The following RPF1 variants were observed in gnomAD, a reference collection of about 807,000 sequenced individuals.
RPF1 encodes the protein ribosome production factor 1.
A neutral mutation model predicts 41.9 loss-of-function variants in RPF1; 34 were observed. That is an observed-to-expected ratio of 0.81 (90% CI 0.62 to 1.08). The LOEUF (loss-of-function observed/expected upper bound fraction) is 1.08. Among genes scored for constraint, RPF1 ranks in the 50% least tolerant of loss-of-function variants. RPF1 has a pLI of 0.00. For synonymous variants in RPF1, 140 were observed against 148.9 expected (o/e 0.94, Z 0.43); for missense variants, 425 against 435.2 (o/e 0.98, Z 0.21).
chr1:84,485,865 G>C (rs891721754), intron 3 of RPF1, among the ~76,000 whole-genome samples: 1 of 152,110 alleles, frequency 6.6e-6, no homozygotes, highest in Non-Finnish European at 1.5e-5. Context: ...TTAATTTGCA[G>C]TTCTCATTTT....
intron 5 of RPF1, among the ~76,000 whole-genome samples, chr1:84,493,135 G>T (rs896188969): frequency 6.6e-6 from 1 of 152,118 alleles, no homozygotes; most frequent in African/African-American, 2.4e-5. Flanking sequence ...TTTTGACACA[G>T]ACCACAATTT....
rs1173635367 is a variant in RPF1 at position 84,488,694 on chromosome 1, TTA to T, written c.367-937_367-936del. On this transcript the variant is annotated intron_variant, in intron 3 of 8. Transcript: ENST00000370654. ...TATTTGTGTCACTAGAGATAGATTA[TTA>T]TGAGTTAAGGGTTAAGTAAATTTTA... Among the ~76,000 whole-genome samples, 4 of 152,260 alleles carry T rather than the reference TTA, an allele frequency of 2.6e-5. No homozygotes were observed. The East Asian group carries it at 7.7e-4, about 29-fold the overall frequency.
At chr1:84,480,919 TTTCTCAGTATTG>T in intron 1 of RPF1, 25 bp from the exon 2 acceptor site, 5 of 1,123,722 alleles carry the variant, frequency 4.4e-6, no homozygotes, top group Non-Finnish European at 6.7e-6. Flanking sequence ...TAACTGGTTG[TTTCTCAGTATTG>T]TTCTCTTTTT....
rs754325676 is a variant in RPF1, at chr1:84,482,987, G to A, written c.358G>A (p.Asp120Asn). Residue 120 changes from aspartate (D) to asparagine (N), a missense_variant, in exon 3 of 9, where the codon GAT (aspartate) becomes AAT (asparagine). Transcript: ENST00000370654. ...VYDETTVDPN[D>N]EEVAYDEATD... ...TGATGAAACCACAGTAGACCCTAAT[G>A]ATGAAGAGGTAATGTTAGAAGTCTT... 7.1e-5 allele frequency: 112 copies of A among 1,577,930 alleles called. No individual in the cohort carries two copies. Among genetic ancestry groups the A allele is most frequent in the Non-Finnish European group, 9.3e-5 (107 of 1,147,278 alleles).
At chr1:84,493,565 G>A (rs1681874271) in intron 5 of RPF1, among the ~76,000 whole-genome samples, 1 of 151,390 alleles carries the variant, frequency 6.6e-6, no homozygotes, top group Admixed American at 6.6e-5. Flanking sequence ...ACTTCAGCCT[G>A]GGCTGCTGAG....
intron 3 of RPF1, among the ~76,000 whole-genome samples, chr1:84,488,210 T>C (rs910786582): frequency 9.9e-5 from 15 of 152,062 alleles, no homozygotes; most frequent in African/African-American, 3.1e-4. Context: ...TCAGATCAAT[T>C]TGGGGATACG....
intron 5 of RPF1, among the ~76,000 whole-genome samples, chr1:84,490,951 A>G (rs1187765349): frequency 6.6e-6 from 1 of 152,166 alleles, no homozygotes. Context: ...CAGAGGGACT[A>G]CCATTTGGAA....
intron 5 of RPF1, among the ~76,000 whole-genome samples, chr1:84,494,709 G>T (rs1209137020): frequency 6.6e-6 from 1 of 152,170 alleles, no homozygotes; most frequent in Non-Finnish European, 1.5e-5. Flanking sequence ...TTGTAGGTAG[G>T]TGATCTCACA....
Position 84,489,746 on chromosome 1 carries a change from T to C in RPF1, c.462+18T>C, listed in dbSNP as rs930628811. The C allele has an allele frequency of 1.3e-5, 18 of 1,350,090 alleles. No individual in the cohort carries two copies. Among genetic ancestry groups the C allele is most frequent in the Non-Finnish European group, 1.7e-5 (16 of 940,180 alleles). 83.6% of individuals were successfully genotyped at this position (1,350,090 alleles called of 1,614,324 possible). On this transcript the variant is annotated intron_variant, in intron 4 of 8. Transcript: ENST00000370654. Reference sequence around the variant, plus strand: ...CTCATGGGGTAAACACATTGATTAATTTAGTTCTTGAATTCTTAATTTTCT... The same window carrying C: ...CTCATGGGGTAAACACATTGATTAACTTAGTTCTTGAATTCTTAATTTTCT...
chr1:84,487,741 G>C (rs898083255), intron 3 of RPF1, among the ~76,000 whole-genome samples: 1 of 151,958 alleles, frequency 6.6e-6, no homozygotes, highest in Non-Finnish European at 1.5e-5. Context: ...TGATTGTCAG[G>C]AATTGTTTTC....
At chr1:84,485,894 T>C (rs2101883812) in intron 3 of RPF1, among the ~76,000 whole-genome samples, 1 of 152,350 alleles carries the variant, frequency 6.6e-6, no homozygotes, top group Admixed American at 6.5e-5. Context: ...TTGAACATCT[T>C]TTCATATTTT....
At position 84,490,317 on chromosome 1, in the gene RPF1, A is replaced by G; in HGVS notation, c.463-2A>G. 6.5e-7 allele frequency: 1 copy of G among 1,535,416 alleles called. No individual in the cohort carries two copies. Among genetic ancestry groups the G allele is most frequent in the Non-Finnish European group, 8.7e-7 (1 of 1,146,784 alleles). On this transcript the variant is annotated splice_acceptor_variant, in intron 4 of 8. Coordinates refer to ENST00000370654, the MANE Select transcript of RPF1 (RefSeq NM_025065.7). LOFTEE classifies it high-confidence loss of function. ...CAAAATTTTTGTTATTTTGTTTTGCAGAGAACAGTACGACTCTGTGAACAG... is the reference window on the plus strand; with the variant it reads ...CAAAATTTTTGTTATTTTGTTTTGCGGAGAACAGTACGACTCTGTGAACAG...
chr1:84,493,333 A>C (rs892842946), intron 5 of RPF1, among the ~76,000 whole-genome samples: 3 of 63,290 alleles, frequency 4.7e-5, no homozygotes, highest in Non-Finnish European at 8.5e-5. Context: ...CACTACTATC[A>C]AAAAAAAAAA....
chr1:84,487,225 A>G (rs1161360535), intron 3 of RPF1, among the ~76,000 whole-genome samples: 1 of 152,182 alleles, frequency 6.6e-6, no homozygotes. Context: ...GTACCAAAAT[A>G]TTTTTCAAAG....
chr1:84,487,042 G>A (rs183107405), intron 3 of RPF1, among the ~76,000 whole-genome samples: 24 of 152,204 alleles, frequency 1.6e-4, no homozygotes, highest in Admixed American at 1.4e-3. Flanking sequence ...TAGAAGAGAT[G>A]TCAAGCAGGT....
In RPF1 at chr1:84,479,459, A is replaced by T; in HGVS notation, c.178A>T (p.Lys60Ter). 6.2e-7 allele frequency: 1 copy of T among 1,614,254 alleles called. No individual in the cohort carries two copies. Among genetic ancestry groups the T allele is most frequent in the African/African-American group, 1.3e-5 (1 of 75,078 alleles). Residue 60 changes from lysine (K) to a stop codon, truncating the protein, a stop_gained, in exon 1 of 9, where the codon AAA (lysine) becomes TAA (stop). Transcript: ENST00000370654. LOFTEE classifies it high-confidence loss of function. ...PGFSISEIKNKQRRHLMFTRW... is the reference protein window; with the variant it reads ...PGFSISEIKN ...CTTTAGCATTTCGGAGATTAAAAAC[A>T]AACAGCGGCGACACTTAATGTTCAC...
chr1:84,494,048 T>C (rs1306416100), intron 5 of RPF1, among the ~76,000 whole-genome samples: 1 of 152,210 alleles, frequency 6.6e-6, no homozygotes, highest in African/African-American at 2.4e-5. Flanking sequence ...TGTGAGAAAC[T>C]ATGGTACAGA....
rs142813262 is a variant in RPF1 at position 84,479,295 on chromosome 1, G to C, written c.14G>C (p.Gly5Ala). 1.2e-6 allele frequency: 2 copies of C among 1,600,352 alleles called. No homozygotes were observed. The highest frequency in any genetic ancestry group is 1.7e-6 in the Non-Finnish European group (2 of 1,173,844). The change falls in exon 1 of 9, where the codon GGG becomes GCG. Residue 5 changes from glycine to alanine, a missense_variant. Gly to Ala is a moderately conservative substitution (Grantham distance 60). Transcript: ENST00000370654. ...GGAGCCAAGACCATGGCGAAAGCCG[G>C]GGATAAGAGCAGCAGCAGCGGGAAG... MAKA[G>A]DKSSSSGKKS... is the part of the protein sequence containing the mutation.
At chr1:84,482,688 G>A (rs1681671531) in intron 2 of RPF1, among the ~76,000 whole-genome samples, 1 of 148,342 alleles carries the variant, frequency 6.7e-6, no homozygotes, top group Non-Finnish European at 1.5e-5. Flanking sequence ...TTTTCATTCA[G>A]TGTTGGCCAT....
Sources: allele counts gnomAD v4.1 joint callset (sites outside exome capture counted in the v4.1 genomes callset), GRCh38; gene constraint gnomAD v4.1.1; transcripts MANE v1.5; gene names NCBI Gene and HGNC (gene_info 2026-07-23, HGNC 2026-07-21).